DNAH11: variants seen among roughly 807,000 people sequenced by gnomAD.
DNAH11 encodes dynein axonemal heavy chain 11.
Under a neutral mutation model 526.0 loss-of-function variants are expected in DNAH11, and 442 were observed. The observed-to-expected ratio is 0.84, with a 90% confidence interval of 0.78 to 0.91. The LOEUF is 0.91. Among genes scored for constraint, DNAH11 ranks in the 40% least tolerant of loss-of-function variants. DNAH11 has a pLI of 0.00. For synonymous variants in DNAH11, 2,461 were observed against 1,935.9 expected, an observed-to-expected ratio of 1.27 and a Z score of -7.12; for missense variants, 6,989 against 5,448.7, an observed-to-expected ratio of 1.28 and a Z score of -8.90.
At chr7:21,885,069 TTAAAA>T (rs1583811151) in intron 76 of DNAH11, among the ~76,000 whole-genome samples, 2 of 141,098 alleles carry the variant, frequency 1.4e-5, no homozygotes, top group South Asian at 4.7e-4. Flanking sequence ...ATTTGTCAAT[TTAAAA>T]TAAAATTAAA....
At chr7:21,806,514 A>G (rs760133397) in intron 62 of DNAH11, among the ~76,000 whole-genome samples, 5 of 152,210 alleles carry the variant, frequency 3.3e-5, no homozygotes, top group Non-Finnish European at 5.9e-5. Flanking sequence ...TTCACATGCT[A>G]ATTTCATGAC....
At chr7:21,847,462 T>A (rs1349511275) in intron 66 of DNAH11, among the ~76,000 whole-genome samples, 1 of 152,242 alleles carries the variant, frequency 6.6e-6, no homozygotes, top group Non-Finnish European at 1.5e-5. Context: ...TTTTAAACTG[T>A]GTTGTTTAAT....
At chr7:21,673,078 T>G (rs1782708321) in intron 30 of DNAH11, among the ~76,000 whole-genome samples, 3 of 152,342 alleles carry the variant, frequency 2.0e-5, no homozygotes, top group South Asian at 4.1e-4. Flanking sequence ...AGATCTTGTC[T>G]TTTTGTTAGG....
intron 45 of DNAH11, among the ~76,000 whole-genome samples, chr7:21,732,076 G>T (rs192742216): frequency 1.3e-5 from 2 of 152,150 alleles, no homozygotes; most frequent in African/African-American, 4.8e-5. Context: ...CCTCGCCCAG[G>T]TTAAAGGAGG....
Position 21,543,268 on chromosome 7 carries a change from G to A in DNAH11, c.23G>A (p.Arg8Gln), listed in dbSNP as rs1284141098. The change falls in exon 1 of 82, where the codon CGG (arginine) becomes CAG (glutamine). Residue 8 changes from arginine to glutamine, a missense_variant. Arg to Gln is a conservative substitution (Grantham distance 43, BLOSUM62 1). Transcript: ENST00000409508. MAAQVAA[R>Q]EARDFREAPT... The stretch of plus-strand genomic sequence containing the variant: ...CCAATGGCAGCCCAGGTGGCAGCCC[G>A]GGAGGCGCGAGACTTCAGAGAAGCC... The A allele has an allele frequency of 3.2e-6, 5 of 1,539,816 alleles. No homozygotes were observed. The highest frequency in any genetic ancestry group is 2.2e-4 in the Middle Eastern group (1 of 4,520).
At chr7:21,578,492 A>G (rs1784186616) in intron 8 of DNAH11, among the ~76,000 whole-genome samples, 1 of 152,188 alleles carries the variant, frequency 6.6e-6, no homozygotes, top group Non-Finnish European at 1.5e-5. Flanking sequence ...TCACTGGCTG[A>G]TGTTGAGTGC....
chr7:21,824,328 G>A (rs1790182639), intron 65 of DNAH11, among the ~76,000 whole-genome samples: 2 of 152,112 alleles, frequency 1.3e-5, no homozygotes, highest in East Asian at 3.9e-4. Context: ...TGACAATTCT[G>A]CCTCCACTTC....
intron 65 of DNAH11, among the ~76,000 whole-genome samples, chr7:21,836,208 T>A (rs934213188): frequency 3.9e-5 from 6 of 152,144 alleles, no homozygotes; most frequent in African/African-American, 1.4e-4. Context: ...GTAATCCTTA[T>A]GAAAATACCA....
chr7:21,785,742 C>G (rs1788145716), intron 58 of DNAH11, among the ~76,000 whole-genome samples: 1 of 152,196 alleles, frequency 6.6e-6, no homozygotes, highest in Non-Finnish European at 1.5e-5. Context: ...GCTCTCAATT[C>G]TTACTAGCAT....
chr7:21,601,174 T>C lies in DNAH11; in HGVS notation c.3420T>C (p.Ile1140=). ...MFQEHLLRFV[I]DSLNELQEFI... is the part of the protein sequence containing the mutation. ...AGGAGCATCTTTTGAGATTTGTCAT[T>C]GACAGGTAGCCTTTTACTTTGGTTT... The change falls in exon 17 of 82, where the codon ATT becomes ATC. Residue 1140 remains isoleucine, a synonymous_variant. Coordinates refer to ENST00000409508, the MANE Select transcript of DNAH11 (RefSeq NM_001277115.2). 1 of 1,594,408 alleles carries C rather than the reference T, an allele frequency of 6.3e-7. No homozygotes were observed. The highest frequency in any genetic ancestry group is 8.5e-7 in the Non-Finnish European group (1 of 1,175,114).
Position 21,588,109 on chromosome 7 carries a change from G to A in DNAH11, c.1756G>A (p.Glu586Lys), listed in dbSNP as rs2128442645. 2 of 1,613,398 alleles carry A rather than the reference G, an allele frequency of 1.2e-6. No individual in the cohort carries two copies. Among genetic ancestry groups the A allele is most frequent in the East Asian group, 4.5e-5 (2 of 44,816 alleles). ...TTTTCTAGAGAAGCCAGTTGTCATG[G>A]AAATTTTCAGCCTACATTACAGCAC... ...GNFLEKPVVM[E>K]IFSLHYSTLV... Residue 586 changes from glutamate (E) to lysine (K), a missense_variant, in exon 10 of 82, where the codon GAA (glutamate) becomes AAA (lysine). Coordinates refer to ENST00000409508, the MANE Select transcript of DNAH11 (RefSeq NM_001277115.2).
intron 2 of DNAH11, among the ~76,000 whole-genome samples, chr7:21,549,972 A>T (rs1249900991): frequency 6.6e-6 from 1 of 151,960 alleles, no homozygotes; most frequent in Non-Finnish European, 1.5e-5. Context: ...AGTAGGGGGG[A>T]GTCCCCTGCC....
chr7:21,688,492 T>A (rs528646125), intron 34 of DNAH11, among the ~76,000 whole-genome samples: 6 of 152,242 alleles, frequency 3.9e-5, no homozygotes, highest in African/African-American at 1.4e-4. Flanking sequence ...CCCAGGGCTT[T>A]AAAAAAACTC....
intron 62 of DNAH11, among the ~76,000 whole-genome samples, chr7:21,803,434 C>T (rs1042098047): frequency 7.9e-5 from 12 of 152,142 alleles, no homozygotes; most frequent in African/African-American, 2.7e-4. Context: ...GCTACACCTT[C>T]AGATTCAAAG....
intron 65 of DNAH11, among the ~76,000 whole-genome samples, chr7:21,835,554 A>C (rs980441669): frequency 6.6e-6 from 1 of 152,198 alleles, no homozygotes; most frequent in Non-Finnish European, 1.5e-5. Flanking sequence ...GCTTCGATAA[A>C]ATTCAAGATC....
chr7:21,880,102 GA>G (rs1562600342), intron 74 of DNAH11, among the ~76,000 whole-genome samples: 67 of 140,108 alleles, frequency 4.8e-4, no homozygotes, highest in Non-Finnish European at 6.5e-4. Context: ...AAAAAAAAAA[GA>G]AAGAAAGAAA....
intron 66 of DNAH11, among the ~76,000 whole-genome samples, chr7:21,843,705 T>C (rs1400736537): frequency 6.6e-6 from 1 of 151,878 alleles, no homozygotes; most frequent in East Asian, 1.9e-4. Context: ...GGTCTCAAAC[T>C]CCTCACCTTG....
chr7:21,638,730 G>A (rs1463018260), intron 27 of DNAH11, among the ~76,000 whole-genome samples: 2 of 138,720 alleles, frequency 1.4e-5, no homozygotes, highest in East Asian at 2.3e-4. Context: ...GTGTGTGTGT[G>A]TGTATTTGGC....
At chr7:21,843,550 G>A (rs1031684310) in intron 66 of DNAH11, among the ~76,000 whole-genome samples, 2 of 149,406 alleles carry the variant, frequency 1.3e-5, no homozygotes, top group African/African-American at 5.0e-5. Flanking sequence ...GCATGGTCTC[G>A]GCTCACTGCA....
Sources: gnomAD v4.1 joint callset for allele counts (sites outside exome capture counted in the v4.1 genomes callset) on GRCh38, gnomAD v4.1.1 for gene constraint, MANE v1.5 for transcripts, NCBI Gene and HGNC (gene_info 2026-07-23, HGNC 2026-07-21) for gene names.